The following VWA3B variants were observed in gnomAD, a reference collection of about 807,000 sequenced individuals.
VWA3B encodes von Willebrand factor A domain containing 3B.
Under a neutral mutation model 158.3 loss-of-function variants are expected in VWA3B, and 138 were observed. The ratio of observed to expected loss-of-function variants is 0.87; its 90% CI spans 0.76 to 1.00. VWA3B has a LOEUF of 1.00. Ranked by LOEUF, VWA3B falls within the 50% of genes least tolerant of loss-of-function variation. VWA3B has a pLI of 0.00. For missense variants in VWA3B, 1,555 were observed against 1,565.1 expected (o/e 0.99, Z 0.11); for synonymous variants, 596 against 587.3 (o/e 1.01, Z -0.21).
At chr2:98,267,073 C>G (rs1168984228) in intron 21 of VWA3B, among the ~76,000 whole-genome samples, 1 of 151,834 alleles carries the variant, frequency 6.6e-6, no homozygotes, top group African/African-American at 2.4e-5. Flanking sequence ...GCCAGAACTT[C>G]CAACACTATG....
rs550971756 is a variant in VWA3B at position 98,252,367 on chromosome 2, A to G, written c.2792+1931A>G. Among the ~76,000 whole-genome samples the G allele has an allele frequency of 5.3e-5, 8 of 152,288 alleles. No homozygotes were observed. In the South Asian group the frequency reaches 1.7e-3, roughly 32 times the overall value. ...ATTCAGTCATTCAAAATGCCATATA[A>G]CAATACCATTCACATTCTAATGTAG... is the stretch of plus-strand genomic sequence containing the variant. On this transcript the variant is annotated intron_variant, in intron 20 of 27. Coordinates refer to ENST00000477737, the MANE Select transcript of VWA3B (RefSeq NM_144992.5).
chr2:98,148,361 A>G (rs1677343756), intron 7 of VWA3B, among the ~76,000 whole-genome samples: 1 of 152,094 alleles, frequency 6.6e-6, no homozygotes, highest in Non-Finnish European at 1.5e-5. Flanking sequence ...GGATTTGTTA[A>G]CTTCTTTTGT....
At chr2:98,300,547 C>T (rs893810642) in intron 25 of VWA3B, among the ~76,000 whole-genome samples, 2 of 152,190 alleles carry the variant, frequency 1.3e-5, no homozygotes, top group African/African-American at 4.8e-5. Context: ...CATCCTCCTC[C>T]TCCTCCTCCG....
the VWA3B span, among the ~76,000 whole-genome samples, chr2:98,327,207 C>T: frequency 6.6e-6 from 1 of 152,066 alleles, no homozygotes; most frequent in African/African-American, 2.4e-5. Context: ...GTGAGAGGAT[C>T]ACTTGAGCCA....
At chr2:98,137,924 T>C (rs1309809034) in intron 7 of VWA3B, among the ~76,000 whole-genome samples, 1 of 152,246 alleles carries the variant, frequency 6.6e-6, no homozygotes, top group Non-Finnish European at 1.5e-5. Context: ...ATTCCTACTT[T>C]TTAATTTTCT....
chr2:98,134,115 C>A, intron 7 of VWA3B, 176 bp downstream of exon 7: 1 of 618,824 alleles, frequency 1.6e-6, no homozygotes, highest in East Asian at 2.8e-5. Flanking sequence ...AGCGTAGCAA[C>A]CAGGCATAAG....
chr2:98,294,888 GA>G (rs1254317658), intron 23 of VWA3B, among the ~76,000 whole-genome samples: 1 of 152,172 alleles, frequency 6.6e-6, no homozygotes, highest in Non-Finnish European at 1.5e-5. Context: ...TCTCCAACGG[GA>G]TTTAAAACAA....
At chr2:98,199,687 C>T (rs1247741730) in intron 12 of VWA3B, among the ~76,000 whole-genome samples, 1 of 152,222 alleles carries the variant, frequency 6.6e-6, no homozygotes, top group Non-Finnish European at 1.5e-5. Context: ...AGCATGCCTA[C>T]TCTTTGCTTT....
chr2:98,271,413 C>T (rs1688192009), intron 22 of VWA3B, among the ~76,000 whole-genome samples: 1 of 152,018 alleles, frequency 6.6e-6, no homozygotes, highest in Non-Finnish European at 1.5e-5. Flanking sequence ...ATTTATAATC[C>T]GGTTGCCTTA....
intron 2 of VWA3B, among the ~76,000 whole-genome samples, chr2:98,098,920 T>C (rs1018519003): frequency 2.6e-5 from 4 of 152,180 alleles, no homozygotes; most frequent in Non-Finnish European, 5.9e-5. Context: ...AACCATCTTA[T>C]AGTTATAAGA....
chr2:98,109,409 A>G (rs1673955312), intron 2 of VWA3B, among the ~76,000 whole-genome samples: 1 of 152,182 alleles, frequency 6.6e-6, no homozygotes, highest in Non-Finnish European at 1.5e-5. Flanking sequence ...AGTTTGAGTG[A>G]TGAGCAGAAA....
At chr2:98,141,835 T>C (rs1382671875) in intron 7 of VWA3B, among the ~76,000 whole-genome samples, 1 of 152,160 alleles carries the variant, frequency 6.6e-6, no homozygotes, top group African/African-American at 2.4e-5. Flanking sequence ...GCCCACCAGT[T>C]AGTCATGGTC....
At position 98,236,481 on chromosome 2, in the gene VWA3B, A is replaced by C. The variant is rs564765480; in HGVS notation, c.2516+4A>C. The C allele has an allele frequency of 5.1e-5, 82 of 1,614,210 alleles. No homozygotes were observed. The South Asian group carries it at 7.9e-4, about 16-fold the overall frequency. ...GAAGCCAGGTTTATGACCACGAGTGAGTTCTTTAATTTGACAAAGACAGTT... is the reference window on the plus strand; with the variant it reads ...GAAGCCAGGTTTATGACCACGAGTGCGTTCTTTAATTTGACAAAGACAGTT... On this transcript the variant is annotated splice_donor_region_variant and intron_variant, in intron 18 of 27. Transcript: ENST00000477737.
chr2:98,311,785 A>G (rs1368998742), intron 26 of VWA3B, 34 bp from the exon 27 acceptor site: 3 of 1,533,770 alleles, frequency 2.0e-6, no homozygotes, highest in East Asian at 4.6e-5. Context: ...GCAGCCATCA[A>G]GGCAGGGTAA....
chr2:98,092,399 C>T (rs904057877), intron 1 of VWA3B, among the ~76,000 whole-genome samples: 1 of 152,220 alleles, frequency 6.6e-6, no homozygotes, highest in Non-Finnish European at 1.5e-5. Flanking sequence ...AATCCCAACA[C>T]TTTGGGAGGC....
At chr2:98,228,384 G>A (rs773886691) in intron 15 of VWA3B, 52 bp downstream of exon 15, 2 of 1,560,438 alleles carry the variant, frequency 1.3e-6, no homozygotes, top group Non-Finnish European at 1.7e-6. Context: ...TTGAGAGCTG[G>A]GCTTGCCCCC....
rs1322596240 is a variant in VWA3B, at chr2:98,181,043, C to T, written c.1142C>T (p.Ala381Val). Residue 381 changes from alanine (A) to valine (V), a missense_variant, in exon 9 of 28, where the codon GCA (alanine) becomes GTA (valine). Ala to Val is a moderately conservative substitution (Grantham distance 64). Transcript: ENST00000477737. ...TCAGAAACAACCTCTGTTGAGATTG[C>T]ATCGAATCCAGAAGACACCTGGGAC... The part of the protein sequence containing the change: ...CESETTSVEI[A>V]SNPEDTWDSK... 3 of 1,614,194 alleles carry T rather than the reference C, an allele frequency of 1.9e-6. No homozygotes were observed. Among genetic ancestry groups the T allele is most frequent in the Non-Finnish European group, 2.5e-6 (3 of 1,180,022 alleles).
intron 2 of VWA3B, among the ~76,000 whole-genome samples, chr2:98,109,452 C>A (rs1416801275): frequency 6.6e-6 from 1 of 152,030 alleles, no homozygotes; most frequent in African/African-American, 2.4e-5. Flanking sequence ...TTTGCCCTTC[C>A]CATTTATAAT....
intron 12 of VWA3B, among the ~76,000 whole-genome samples, chr2:98,205,533 TTTA>T (rs1374071414): frequency 6.6e-6 from 1 of 152,218 alleles, no homozygotes; most frequent in East Asian, 1.9e-4. Flanking sequence ...ATTTCTGTTC[TTTA>T]TTATTTACTT....
Sources: allele counts gnomAD v4.1 joint callset (sites outside exome capture counted in the v4.1 genomes callset), GRCh38; gene constraint gnomAD v4.1.1; transcripts MANE v1.5; gene names NCBI Gene and HGNC (gene_info 2026-07-23, HGNC 2026-07-21).